Variants in ST6GALNAC1 observed in about 807,000 individuals in gnomAD.
ST6GALNAC1 encodes ST6 N-acetylgalactosaminide alpha-2,6-sialyltransferase 1, also known as alpha-N-acetylgalactosaminide alpha-2,6-sialyltransferase 1.
ST6GALNAC1 carries 45 observed loss-of-function variants against 56.8 expected under a neutral mutation model. That is an observed-to-expected ratio of 0.79 (90% CI 0.62 to 1.02). The LOEUF (loss-of-function observed/expected upper bound fraction) is 1.02. Among genes scored for constraint, ST6GALNAC1 ranks in the 50% least tolerant of loss-of-function variants. The pLI, the probability that ST6GALNAC1 is intolerant of heterozygous loss-of-function variation, is 0.00. For missense variants in ST6GALNAC1, 743 were observed against 754.8 expected, an observed-to-expected ratio of 0.98 and a Z score of 0.18; for synonymous variants, 295 against 297.8, an observed-to-expected ratio of 0.99 and a Z score of 0.10.
At chr17:76,636,222 G>C (rs781508041) in intron 1 of ST6GALNAC1, among the ~76,000 whole-genome samples, 89 of 152,098 alleles carry the variant, frequency 5.9e-4, no homozygotes, top group South Asian at 1.2e-3. Flanking sequence ...ATTTTGAAAT[G>C]TTATTTGTTT....
chr17:76,631,320 G>A (rs1175932853), intron 1 of ST6GALNAC1, among the ~76,000 whole-genome samples: 1 of 152,152 alleles, frequency 6.6e-6, no homozygotes, highest in Non-Finnish European at 1.5e-5. Flanking sequence ...AAGTAGCTTG[G>A]ATGAGAGATA....
chr17:76,626,021 C>T lies in ST6GALNAC1; in HGVS notation c.1490G>A (p.Arg497Gln), dbSNP rs151127625. The T allele has an allele frequency of 3.5e-5, 56 of 1,614,038 alleles. No homozygotes were observed. Among genetic ancestry groups the T allele is most frequent in the African/African-American group, 8.0e-5 (6 of 74,926 alleles). ...CTGCTCTAACCTGTTCTTCATGTATCGGAGAAAGTCTGGGTGCAGCAACAG... is the reference window on the plus strand; with the variant it reads ...CTGCTCTAACCTGTTCTTCATGTATTGGAGAAAGTCTGGGTGCAGCAACAG... ...RYLLLHPDFLRYMKNRFLRSK... is the reference protein window; with the variant it reads ...RYLLLHPDFLQYMKNRFLRSK... The change falls in exon 7 of 9, where the codon CGA becomes CAA. Residue 497 changes from arginine to glutamine, a missense_variant. Transcript: ENST00000156626.
intron 1 of ST6GALNAC1, among the ~76,000 whole-genome samples, chr17:76,634,526 G>A (rs575058818): frequency 3.3e-5 from 5 of 151,890 alleles, no homozygotes; most frequent in African/African-American, 7.2e-5. Context: ...TCAGTTCTTC[G>A]GGGTCTCCTG....
chr17:76,626,213 A>G (rs968297871), intron 6 of ST6GALNAC1, 76 bp downstream of exon 6: 3 of 1,561,762 alleles, frequency 1.9e-6, no homozygotes, highest in Non-Finnish European at 2.6e-6. Flanking sequence ...GGCTGTCCCC[A>G]CCTGTCCAAC....
downstream of ST6GALNAC1, among the ~76,000 whole-genome samples, chr17:76,619,950 G>A (rs911066217): frequency 2.6e-5 from 4 of 151,964 alleles, no homozygotes; most frequent in Non-Finnish European, 5.9e-5. Context: ...CACCATGTTG[G>A]CCAGGCTGGT....
intron 2 of ST6GALNAC1, 128 bp downstream of exon 2, chr17:76,628,884 G>C: frequency 1.2e-6 from 1 of 847,694 alleles, no homozygotes; most frequent in Non-Finnish European, 1.9e-6. Flanking sequence ...CTCATAATGA[G>C]CTTGGGGCAG....
chr17:76,623,464 T>C, downstream of ST6GALNAC1, among the ~76,000 whole-genome samples: 1 of 152,196 alleles, frequency 6.6e-6, no homozygotes, highest in Non-Finnish European at 1.5e-5. Context: ...ATATTTATGA[T>C]ATTGAGTCAT....
Position 76,627,261 on chromosome 17 carries a change from C to T in ST6GALNAC1, c.1001-23G>A, listed in dbSNP as rs754631301. ...CCACTGGAACAAGAGTGGGGGTGCT[C>T]CATTCAGAGCCCTGGGAGGGACAGG... is the stretch of plus-strand genomic sequence containing the variant. On this transcript the variant is annotated intron_variant, in intron 3 of 8. Transcript: ENST00000156626. This position sits in a 1 kb window ranked among gnomAD's most constrained non-coding sequence, Gnocchi z 4.4. 1 of 1,548,878 alleles carries T rather than the reference C, an allele frequency of 6.5e-7. No individual in the cohort carries two copies. Among genetic ancestry groups the T allele is most frequent in the Admixed American group, 1.9e-5 (1 of 52,258 alleles).
chr17:76,632,325 AGAT>A (rs1294957034), intron 1 of ST6GALNAC1, among the ~76,000 whole-genome samples: 2 of 151,686 alleles, frequency 1.3e-5, no homozygotes, highest in Non-Finnish European at 2.9e-5. Context: ...TGGCGGGGAG[AGAT>A]GATGAGGCAG....
At chr17:76,631,069 G>C (rs1476273586) in intron 1 of ST6GALNAC1, among the ~76,000 whole-genome samples, 4 of 42,090 alleles carry the variant, frequency 9.5e-5, no homozygotes, top group African/African-American at 1.7e-4. Context: ...TAATCTCTGT[G>C]TGTGTGTGTG....
chr17:76,626,994 AGAGAGGGGCTG>A (rs2075809381), intron 4 of ST6GALNAC1, 62 bp downstream of exon 4: 1 of 1,385,470 alleles, frequency 7.2e-7, no homozygotes, highest in Admixed American at 2.6e-5. Flanking sequence ...AAGAGGGGCA[AGAGAGGGGCTG>A]GAGGGGGGCT....
the ST6GALNAC1 span, among the ~76,000 whole-genome samples, chr17:76,618,745 C>A: frequency 8.0e-5 from 12 of 149,236 alleles, no homozygotes; most frequent in East Asian, 1.2e-3. Context: ...CGCGCCACTG[C>A]ACTCCAGCCT....
intron 1 of ST6GALNAC1, among the ~76,000 whole-genome samples, chr17:76,633,025 G>GT (rs1262156310): frequency 6.6e-6 from 1 of 152,054 alleles, no homozygotes; most frequent in African/African-American, 2.4e-5. Context: ...GGCCAACATG[G>GT]CAAAACCCCG....
At chr17:76,623,731 A>G (rs577403467), downstream of ST6GALNAC1, among the ~76,000 whole-genome samples, 1 of 152,280 alleles carries the variant, frequency 6.6e-6, no homozygotes, top group South Asian at 2.1e-4. Context: ...TATGCCTCTA[A>G]TTGACCTATC....
intron 1 of ST6GALNAC1, among the ~76,000 whole-genome samples, chr17:76,632,514 TTGA>T (rs1188077094): frequency 1.3e-5 from 2 of 152,172 alleles, no homozygotes; most frequent in African/African-American, 4.8e-5. Context: ...CTACAATTGA[TTGA>T]TGACTCCTTT....
the ST6GALNAC1 span, among the ~76,000 whole-genome samples, chr17:76,619,750 T>TAG: frequency 6.8e-6 from 1 of 146,992 alleles, no homozygotes; most frequent in African/African-American, 2.5e-5. Flanking sequence ...GTTTTTTTTT[T>TAG]TTTTTTTTTT....
chr17:76,629,190 C>A lies in ST6GALNAC1; in HGVS notation c.653G>T (p.Gly218Val), dbSNP rs766657367. 1.9e-6 allele frequency: 3 copies of A among 1,614,122 alleles called. No homozygotes were observed. In the East Asian group the frequency reaches 6.7e-5, roughly 36 times the overall value. The change falls in exon 2 of 9, where the codon GGA becomes GTA. Residue 218 changes from glycine (G) to valine (V), a missense_variant. By Grantham distance (109) the Gly-to-Val change is moderately radical. Transcript: ENST00000156626. ...AGGTGGGATGACTGCTGTGGTCACT[C>A]CTTTCTGTCTCGTCCTTGTTGACAC... The part of the protein sequence containing the change: ...GAVSTRTRQK[G>V]VTTAVIPPKE...
chr17:76,625,402 C>A lies in ST6GALNAC1; in HGVS notation c.1731G>T (p.Lys577Asn). 6.2e-7 allele frequency: 1 copy of A among 1,614,196 alleles called. No individual in the cohort carries two copies. The highest frequency in any genetic ancestry group is 8.5e-7 in the Non-Finnish European group (1 of 1,180,038). ...HDFKLEREVWKRLHDEGIIRL... is the reference protein window; with the variant it reads ...HDFKLEREVWNRLHDEGIIRL... ...GGATTATCCCTTCATCGTGTAGCCG[C>A]TTCCAGACTTCTCTCTCCAGCTTGA... The change falls in exon 9 of 9, where the codon AAG becomes AAT. Residue 577 changes from lysine to asparagine, a missense_variant. Coordinates refer to ENST00000156626, the MANE Select transcript of ST6GALNAC1 (RefSeq NM_018414.5).
Position 76,627,054 on chromosome 17 carries a change from G to A in ST6GALNAC1, c.1172+13C>T, listed in dbSNP as rs752391573. 1.3e-6 allele frequency: 2 copies of A among 1,536,984 alleles called. No individual in the cohort carries two copies. Among genetic ancestry groups the A allele is most frequent in the Non-Finnish European group, 1.8e-6 (2 of 1,141,938 alleles). On this transcript the variant is annotated intron_variant, in intron 4 of 8. Transcript: ENST00000156626. The surrounding 1 kb of genome is among the most constrained non-coding windows in gnomAD (Gnocchi z 4.4). Reference sequence around the variant, plus strand: ...GAGGGGCTGGAGAGGGAGCTTGGGTGGGGACAGCTTACCGGAACACGTAGT... The same window carrying A: ...GAGGGGCTGGAGAGGGAGCTTGGGTAGGGACAGCTTACCGGAACACGTAGT...
Sources: allele counts gnomAD v4.1 joint callset (sites outside exome capture counted in the v4.1 genomes callset), GRCh38; gene constraint gnomAD v4.1.1; non-coding constraint Gnocchi (gnomAD v3.1); transcripts MANE v1.5; gene names NCBI Gene and HGNC (gene_info 2026-07-23, HGNC 2026-07-21).